The following SLC9A7 variants were observed in gnomAD, a reference collection of about 807,000 sequenced individuals.
SLC9A7 encodes the protein sodium/hydrogen exchanger 7.
In SLC9A7, 19 loss-of-function variants were observed where a neutral mutation model predicts 52.6. The observed-to-expected ratio is 0.36, with a 90% CI of 0.25 to 0.53. The LOEUF is 0.53. Among genes scored for constraint, SLC9A7 ranks in the 20% least tolerant of loss-of-function variants. SLC9A7 has a pLI of 0.91. For missense variants in SLC9A7, 455 were observed against 597.9 expected, an observed-to-expected ratio of 0.76 and a Z score of 2.49; for synonymous variants, 226 against 252.1, an observed-to-expected ratio of 0.90 and a Z score of 0.98.
intron 16 of SLC9A7, among the ~76,000 whole-genome samples, chrX:46,612,965 A>T (rs1942881542): frequency 1.1e-5 from 1 of 93,188 alleles, no homozygotes. Context: ...AAAAAAAAAA[A>T]GAGAGAGAGA....
In SLC9A7 at chrX:46,604,853, ATCAAT is replaced by A. The variant is rs1415665472; in HGVS notation, c.*2094_*2098del. Reference sequence around the variant, plus strand: ...CGTATTTTCCTGATTTGCACAAATTATCAATTCAAACACAAAGTTGTGAAGCAATG... The same window carrying A: ...CGTATTTTCCTGATTTGCACAAATTATCAAACACAAAGTTGTGAAGCAATG... On this transcript the variant is annotated 3_prime_UTR_variant, in exon 17 of 17. Transcript: ENST00000616978. The A allele has an allele frequency of 8.9e-6, 1 of 112,645 alleles. No individual in the cohort carries two copies. The highest frequency in any genetic ancestry group is 9.4e-5 in the Admixed American group (1 of 10,637). 9.3% of individuals were successfully genotyped at this position (112,645 alleles called of 1,213,427 possible).
At chrX:46,642,480 C>A (rs967897142) in intron 12 of SLC9A7, among the ~76,000 whole-genome samples, 2 of 112,191 alleles carry the variant, frequency 1.8e-5, no homozygotes, top group Non-Finnish European at 3.8e-5. Flanking sequence ...AATCACCTGG[C>A]AGAGTGTCTT....
chrX:46,700,427 T>C (rs17147400), intron 1 of SLC9A7, among the ~76,000 whole-genome samples: 5,309 of 112,346 alleles, frequency 0.047, 300 homozygotes, highest in African/African-American at 0.16. Context: ...TCCTGACCTG[T>C]TTGTCACTCT....
intron 1 of SLC9A7, among the ~76,000 whole-genome samples, chrX:46,727,856 T>A (rs1944969772): frequency 8.9e-6 from 1 of 112,322 alleles, no homozygotes. Context: ...TCTCCTGCAA[T>A]ATCATTTTTG....
chrX:46,752,302 C>A (rs782750466), intron 1 of SLC9A7, among the ~76,000 whole-genome samples: 1 of 111,693 alleles, frequency 9.0e-6, no homozygotes. Flanking sequence ...AATAGTAATT[C>A]TTTAATATCA....
At chrX:46,661,985 C>T (rs1187876286) in intron 7 of SLC9A7, 31 bp downstream of exon 7, 5 of 1,157,004 alleles carry the variant, frequency 4.3e-6, no homozygotes, top group Middle Eastern at 2.4e-4. Flanking sequence ...CACGCATACC[C>T]AGGCCCGAGC....
At chrX:46,685,495 T>G (rs1315675417) in intron 1 of SLC9A7, 2 of 112,108 alleles carry the variant, frequency 1.8e-5, no homozygotes, top group Non-Finnish European at 3.8e-5. Flanking sequence ...TTGTCCTGTT[T>G]GCAGGCTGCC....
At chrX:46,732,548 C>T (rs755865896) in intron 1 of SLC9A7, among the ~76,000 whole-genome samples, 2 of 105,066 alleles carry the variant, frequency 1.9e-5, no homozygotes, top group East Asian at 5.8e-4. Context: ...TTGAGACTGT[C>T]TCAAGAAAAA....
intron 1 of SLC9A7, among the ~76,000 whole-genome samples, chrX:46,738,228 C>T (rs926132802): frequency 4.5e-5 from 5 of 112,057 alleles, no homozygotes; most frequent in Admixed American, 1.9e-4. Flanking sequence ...AACTTGTTTT[C>T]GTTAACTTAT....
intron 1 of SLC9A7, among the ~76,000 whole-genome samples, chrX:46,751,262 C>T (rs782361175): frequency 9.0e-6 from 1 of 111,246 alleles, no homozygotes; most frequent in Non-Finnish European, 1.9e-5. Flanking sequence ...GAGACAGCCA[C>T]CTGCCAGTCC....
At position 46,711,899 on chromosome X, in the gene SLC9A7, T is replaced by TACACACACACACACACACACACAC. The variant is rs57570264; in HGVS notation, c.326-29388_326-29365dup. On this transcript the variant is annotated intron_variant, in intron 1 of 16. Transcript: ENST00000616978. Reference sequence around the variant, plus strand: ...CCCTTTAACGGCACAGCCTCTAAATTACACACACACACACACACACACACA... The same window carrying TACACACACACACACACACACACAC: ...CCCTTTAACGGCACAGCCTCTAAATTACACACACACACACACACACACACACACACACACACACACACACACACA... 1.8e-4 allele frequency among the ~76,000 whole-genome samples: 16 copies of TACACACACACACACACACACACAC among 91,187 alleles called. 1 individual carries two copies. Among genetic ancestry groups the TACACACACACACACACACACACAC allele is most frequent in the African/African-American group, 6.1e-4 (14 of 23,077 alleles). 79.2% of individuals were successfully genotyped at this position (91,187 alleles called of 115,157 possible). A position where few individuals can be genotyped will look rare whatever the true frequency, so the allele number is the denominator to read the frequency against.
At chrX:46,697,351 G>C in intron 1 of SLC9A7, among the ~76,000 whole-genome samples, 1 of 112,039 alleles carries the variant, frequency 8.9e-6, no homozygotes, top group East Asian at 2.8e-4. Context: ...GTGAGGTAAT[G>C]CATAGGCTAA....
intron 1 of SLC9A7, among the ~76,000 whole-genome samples, chrX:46,755,801 G>A (rs992111740): frequency 4.1e-5 from 4 of 96,628 alleles, no homozygotes; most frequent in Admixed American, 1.2e-4. Flanking sequence ...AAGCCTGGGC[G>A]ACAGAGTGAG....
At chrX:46,618,014 T>C (rs1942980528) in intron 15 of SLC9A7, among the ~76,000 whole-genome samples, 1 of 111,145 alleles carries the variant, frequency 9.0e-6, no homozygotes, top group African/African-American at 3.3e-5. Flanking sequence ...AACCATCTGC[T>C]TGAAGGCTTC....
intron 14 of SLC9A7, among the ~76,000 whole-genome samples, chrX:46,625,349 A>G (rs770120431): frequency 4.7e-4 from 52 of 109,897 alleles, no homozygotes; most frequent in Non-Finnish European, 6.8e-4. Context: ...ACTACCTGGC[A>G]AAAGGCTTTG....
chrX:46,676,212 C>CG (rs1460066622), intron 3 of SLC9A7, among the ~76,000 whole-genome samples: 27 of 109,532 alleles, frequency 2.5e-4, no homozygotes, highest in Non-Finnish European at 3.6e-4. Flanking sequence ...TGAGGTGGGG[C>CG]GGGGGGGCAG....
rs764485238 is a variant in SLC9A7 at position 46,679,910 on chromosome X, C to A, written c.526-155G>T. On this transcript the variant is annotated intron_variant, in intron 2 of 16. Transcript: ENST00000616978. ...TCATGGACTTATCCCAGAGGAGAAG[C>A]TATGACTCCCCATGGACTGGCATGC... 6.2e-5 allele frequency among the ~76,000 whole-genome samples: 7 copies of A among 112,538 alleles called. No homozygotes were observed. In the East Asian group the frequency reaches 1.7e-3, roughly 27 times the overall value.
chrX:46,652,203 G>A (rs1234150794), intron 8 of SLC9A7, among the ~76,000 whole-genome samples: 2 of 111,444 alleles, frequency 1.8e-5, no homozygotes, highest in East Asian at 2.8e-4. Context: ...CTCAGTGGAC[G>A]GCAGTGGCAT....
chrX:46,735,347 T>C (rs1945104655), intron 1 of SLC9A7, among the ~76,000 whole-genome samples: 1 of 111,781 alleles, frequency 8.9e-6, no homozygotes. Context: ...TTTTAAATAA[T>C]CTGAGTTCAA....
Sources: gnomAD v4.1 joint callset for allele counts (sites outside exome capture counted in the v4.1 genomes callset) on GRCh38, gnomAD v4.1.1 for gene constraint, MANE v1.5 for transcripts, NCBI Gene and HGNC (gene_info 2026-07-23, HGNC 2026-07-21) for gene names.